RBM19: variants seen among roughly 807,000 people sequenced by gnomAD.
The protein encoded by RBM19 is RNA binding motif protein 19, also known as probable RNA-binding protein 19.
A neutral mutation model predicts 116.8 loss-of-function variants in RBM19; 94 were observed. That is an observed-to-expected ratio of 0.80 (90% CI 0.68 to 0.95). RBM19 has a LOEUF of 0.95. Among genes scored for constraint, RBM19 ranks in the 40% least tolerant of loss-of-function variants. The pLI is 0.00. For missense variants in RBM19, 1,161 were observed against 1,220.7 expected, an observed-to-expected ratio of 0.95 and a Z score of 0.73; for synonymous variants, 475 against 494.1, an observed-to-expected ratio of 0.96 and a Z score of 0.51.
At chr12:113,937,757 A>T (rs1457061379) in intron 15 of RBM19, among the ~76,000 whole-genome samples, 6 of 18,422 alleles carry the variant, frequency 3.3e-4, no homozygotes, top group African/African-American at 2.5e-3. Context: ...CTGCCTCTTA[A>T]AAAAAAAAAA....
chr12:113,925,786 G>A (rs992228083), intron 17 of RBM19, among the ~76,000 whole-genome samples: 1 of 152,188 alleles, frequency 6.6e-6, no homozygotes, highest in African/African-American at 2.4e-5. Flanking sequence ...TTGGGCTGCT[G>A]TTTGAGTGCA....
At chr12:113,924,838 A>G in intron 17 of RBM19, 81 bp from the exon 18 acceptor site, 3 of 1,210,970 alleles carry the variant, frequency 2.5e-6, no homozygotes, top group Non-Finnish European at 3.7e-6. Context: ...CTATACCCCC[A>G]AATTTGCCAT....
intron 23 of RBM19, among the ~76,000 whole-genome samples, chr12:113,830,796 G>A (rs1335319878): frequency 6.6e-6 from 1 of 152,210 alleles, no homozygotes; most frequent in African/African-American, 2.4e-5. Context: ...AAGTCTTAGG[G>A]TTTGGTCCAC....
Position 113,950,154 on chromosome 12 carries a change from C to G in RBM19, c.1001G>C (p.Gly334Ala), listed in dbSNP as rs774686812. ...IVRNAHGNKT[G>A]YIFVDFSNEE... is the part of the protein sequence containing the mutation. ...ATTGCTGAAATCCACAAAGATGTAT[C>G]CTGACAGAGGACAATGACAGAGGTA... The change falls in exon 9 of 24, where the codon GGA (glycine) becomes GCA (alanine). Residue 334 changes from glycine to alanine, a missense_variant and splice_region_variant. Transcript: ENST00000261741. The G allele has an allele frequency of 1.2e-6, 2 of 1,606,766 alleles. No homozygotes were observed. The highest frequency in any genetic ancestry group is 1.7e-6 in the Non-Finnish European group (2 of 1,173,602).
At chr12:113,836,994 T>TAC (rs55991489) in intron 23 of RBM19, among the ~76,000 whole-genome samples, 1,646 of 56,252 alleles carry the variant, frequency 0.029, 95 homozygotes, top group Middle Eastern at 0.054. Context: ...ACTTACTACA[T>TAC]ACACACACAC....
intron 21 of RBM19, among the ~76,000 whole-genome samples, chr12:113,865,710 T>C (rs1009604084): frequency 3.3e-5 from 5 of 152,206 alleles, no homozygotes; most frequent in African/African-American, 1.2e-4. Context: ...CATAGGATGA[T>C]GCTCTTTTAT....
chr12:113,939,856 C>A, intron 15 of RBM19, 104 bp downstream of exon 15: 1 of 1,275,048 alleles, frequency 7.8e-7, no homozygotes, highest in East Asian at 2.3e-5. Flanking sequence ...AGGGTGAGCT[C>A]CCATGTGCCA....
chr12:113,860,660 T>A (rs1289370670), intron 21 of RBM19, among the ~76,000 whole-genome samples: 2 of 152,198 alleles, frequency 1.3e-5, no homozygotes, highest in African/African-American at 2.4e-5. Flanking sequence ...TGGCCTCACC[T>A]AACTGCACTA....
intron 21 of RBM19, among the ~76,000 whole-genome samples, chr12:113,882,362 G>A (rs1880205001): frequency 6.6e-6 from 1 of 152,242 alleles, no homozygotes; most frequent in South Asian, 2.1e-4. Context: ...CCTGTGTGAA[G>A]TGGAGGAATG....
intron 23 of RBM19, among the ~76,000 whole-genome samples, chr12:113,837,079 C>CTACA (rs59581128): frequency 0.03 from 4,038 of 136,276 alleles, 186 homozygotes; most frequent in African/African-American, 0.089. Context: ...CCCCTACTTA[C>CTACA]TACATACATA....
chr12:113,922,935 A>G (rs1868721399), intron 18 of RBM19, among the ~76,000 whole-genome samples: 1 of 152,220 alleles, frequency 6.6e-6, no homozygotes, highest in African/African-American at 2.4e-5. Context: ...GGAGTTCGAG[A>G]CCAGCCTGAC....
At chr12:113,823,582 A>G (rs1874608066) in intron 23 of RBM19, among the ~76,000 whole-genome samples, 2 of 151,932 alleles carry the variant, frequency 1.3e-5, no homozygotes, top group African/African-American at 4.8e-5. Flanking sequence ...GGAAATGAGG[A>G]GGAGAGAGAA....
chr12:113,845,104 G>A (rs2135718288), intron 22 of RBM19, among the ~76,000 whole-genome samples: 1 of 152,244 alleles, frequency 6.6e-6, no homozygotes, highest in Non-Finnish European at 1.5e-5. Context: ...CCCATTAGTG[G>A]GCTCGCCTCC....
chr12:113,828,373 G>A (rs911339835), intron 23 of RBM19, among the ~76,000 whole-genome samples: 42 of 152,174 alleles, frequency 2.8e-4, no homozygotes, highest in African/African-American at 4.6e-4. Context: ...GAGACACGCA[G>A]CCTCACTTAT....
intron 1 of RBM19, among the ~76,000 whole-genome samples, chr12:113,965,930 G>A (rs1172420470): frequency 1.3e-5 from 2 of 152,188 alleles, no homozygotes; most frequent in African/African-American, 4.8e-5. Flanking sequence ...GCCACAAGGT[G>A]GGAGTTGTCA....
chr12:113,942,472 G>A (rs776576081), intron 13 of RBM19, 38 bp from the exon 14 acceptor site: 86 of 1,544,908 alleles, frequency 5.6e-5, no homozygotes, highest in Admixed American at 7.5e-5. Context: ...GTTGGCTGTC[G>A]GCCAGGTGAC....
chr12:113,924,604 C>T, intron 18 of RBM19, 93 bp downstream of exon 18: 1 of 1,148,468 alleles, frequency 8.7e-7, no homozygotes, highest in Non-Finnish European at 1.3e-6. Flanking sequence ...CAAGGGAGAA[C>T]TACCCCAACC....
intron 2 of RBM19, among the ~76,000 whole-genome samples, chr12:113,961,671 A>G (rs1263741442): frequency 6.6e-6 from 1 of 152,212 alleles, no homozygotes; most frequent in Non-Finnish European, 1.5e-5. Flanking sequence ...ACCTGAGTGG[A>G]GCCCACTCCT....
intron 21 of RBM19, among the ~76,000 whole-genome samples, chr12:113,893,441 A>G (rs2135811693): frequency 6.6e-6 from 1 of 152,212 alleles, no homozygotes; most frequent in East Asian, 1.9e-4. Flanking sequence ...TACTGTTTTG[A>G]TTCTTGCTTT....
Sources: gnomAD v4.1 joint callset for allele counts (sites outside exome capture counted in the v4.1 genomes callset) on GRCh38, gnomAD v4.1.1 for gene constraint, MANE v1.5 for transcripts, NCBI Gene and HGNC (gene_info 2026-07-23, HGNC 2026-07-21) for gene names.